Variants in CFAP47 observed in about 807,000 individuals in gnomAD.
CFAP47 encodes the protein cilia and flagella associated protein 47, also known as cilia- and flagella-associated protein 47.
In CFAP47, 29 loss-of-function variants were observed where a neutral mutation model predicts 148.1. The ratio of observed to expected loss-of-function variants is 0.20; its 90% CI spans 0.15 to 0.27. The LOEUF (loss-of-function observed/expected upper bound fraction) is 0.27. CFAP47 is among the 10% of genes least tolerant of loss of function. The probability of loss-of-function intolerance (pLI) is 1.00; values close to 1 mark genes in which losing one functional copy is unlikely to be tolerated. For synonymous variants in CFAP47, 664 were observed against 577.3 expected (o/e 1.15, Z -2.15); for missense variants, 1,872 against 1,697.5 (o/e 1.10, Z -1.81).
rs141723047 is a variant in CFAP47, at chrX:36,370,874, G to C, written c.9185+3747G>C. Among the ~76,000 whole-genome samples the C allele has an allele frequency of 2.5e-3, 277 of 111,263 alleles. 1 individual carries two copies. Among genetic ancestry groups the C allele is most frequent in the African/African-American group, 8.7e-3 (266 of 30,600 alleles). On this transcript the variant is annotated intron_variant, in intron 62 of 63. Coordinates refer to ENST00000378653, the MANE Select transcript of CFAP47 (RefSeq NM_001304548.2). ...TGAAAAGGAACGACCCCCTGTCCTA[G>C]TGACTATACATTTTTCTTGTGTGCT... is the stretch of plus-strand genomic sequence containing the variant.
At chrX:35,958,992 C>T (rs2146650766) in intron 8 of CFAP47, among the ~76,000 whole-genome samples, 1 of 111,407 alleles carries the variant, frequency 9.0e-6, no homozygotes, top group South Asian at 3.8e-4. Flanking sequence ...GGGTGGGGTG[C>T]ATAAGTTGAG....
chrX:36,176,792 C>G (rs768129294), intron 39 of CFAP47, among the ~76,000 whole-genome samples: 2 of 112,002 alleles, frequency 1.8e-5, no homozygotes, highest in Non-Finnish European at 3.8e-5. Context: ...GTAATCCCAG[C>G]TACTTGGGAG....
At chrX:36,303,661 T>G (rs782369946) in intron 53 of CFAP47, among the ~76,000 whole-genome samples, 188 bp from the exon 54 acceptor site, 2 of 111,190 alleles carry the variant, frequency 1.8e-5, no homozygotes, top group South Asian at 7.6e-4. Context: ...TAAGACGTTA[T>G]CTTAACTAGT....
intron 63 of CFAP47, chrX:36,379,767 A>T (rs1456223405): frequency 3.6e-6 from 1 of 280,516 alleles, no homozygotes; most frequent in Non-Finnish European, 6.4e-6. Flanking sequence ...TTCCTTCCAT[A>T]TTAAGGAACT....
chrX:36,371,784 A>G (rs1349906056), intron 62 of CFAP47, among the ~76,000 whole-genome samples: 1 of 54,663 alleles, frequency 1.8e-5, no homozygotes, highest in Non-Finnish European at 2.8e-5. Context: ...ACATGTGTAT[A>G]TATGTGTGTA....
chrX:36,259,085 T>C (rs1555999584), intron 49 of CFAP47, among the ~76,000 whole-genome samples: 1 of 111,206 alleles, frequency 9.0e-6, no homozygotes, highest in African/African-American at 3.3e-5. Context: ...AAACTGTTGA[T>C]TTAGTAGGTG....
chrX:36,031,856 C>T (rs1937283307), intron 23 of CFAP47, among the ~76,000 whole-genome samples: 1 of 110,255 alleles, frequency 9.1e-6, no homozygotes, highest in African/African-American at 3.3e-5. Context: ...AAGCTCAGCA[C>T]ACATTATAGA....
chrX:36,065,513 C>A, intron 26 of CFAP47, 130 bp from the exon 27 acceptor site: 2 of 430,618 alleles, frequency 4.6e-6, no homozygotes, highest in Non-Finnish European at 8.1e-6. Context: ...GTTAAAAAAA[C>A]AAAGTAAGTA....
At chrX:36,285,274 A>C (rs1941120649) in intron 50 of CFAP47, among the ~76,000 whole-genome samples, 1 of 111,783 alleles carries the variant, frequency 8.9e-6, no homozygotes, top group Non-Finnish European at 1.9e-5. Context: ...GTACAAATAC[A>C]TGAATAGTTT....
intron 30 of CFAP47, among the ~76,000 whole-genome samples, chrX:36,091,126 C>G (rs1197544243): frequency 9.0e-6 from 1 of 111,138 alleles, no homozygotes; most frequent in Non-Finnish European, 1.9e-5. Context: ...AAATGAAAAG[C>G]ATAAAACAAG....
intron 55 of CFAP47, among the ~76,000 whole-genome samples, chrX:36,307,380 T>C (rs1355074311): frequency 9.0e-6 from 1 of 111,149 alleles, no homozygotes; most frequent in Non-Finnish European, 1.9e-5. Flanking sequence ...CGTAGTCCTA[T>C]AATGGAAGTA....
intron 29 of CFAP47, among the ~76,000 whole-genome samples, chrX:36,080,960 C>A (rs954276757): frequency 1.8e-5 from 2 of 111,532 alleles, no homozygotes; most frequent in Non-Finnish European, 3.8e-5. Flanking sequence ...GGAAAACTAA[C>A]TCAAAAGCTA....
intron 35 of CFAP47, among the ~76,000 whole-genome samples, chrX:36,143,021 A>G (rs1939170500): frequency 9.0e-6 from 1 of 111,429 alleles, no homozygotes; most frequent in Non-Finnish European, 1.9e-5. Flanking sequence ...TAAACTCTGC[A>G]TTTTTTTATT....
chrX:36,218,434 T>C (rs1009295149), intron 45 of CFAP47, among the ~76,000 whole-genome samples: 5 of 111,943 alleles, frequency 4.5e-5, no homozygotes, highest in Non-Finnish European at 3.8e-5. Context: ...CAACAGCAGC[T>C]AGCCATTTAC....
chrX:35,963,507 C>T (rs1327511716), intron 8 of CFAP47, among the ~76,000 whole-genome samples: 1 of 110,741 alleles, frequency 9.0e-6, no homozygotes, highest in Non-Finnish European at 1.9e-5. Flanking sequence ...TTCTGGGGTA[C>T]ATGTGCAGGA....
chrX:36,308,393 C>T (rs187001202), intron 55 of CFAP47, among the ~76,000 whole-genome samples: 1 of 110,949 alleles, frequency 9.0e-6, no homozygotes, highest in East Asian at 2.8e-4. Context: ...TCAACCTTCT[C>T]AATATATTGC....
At chrX:36,191,443 C>T (rs782817041) in intron 42 of CFAP47, among the ~76,000 whole-genome samples, 16 of 111,429 alleles carry the variant, frequency 1.4e-4, no homozygotes, top group African/African-American at 4.9e-4. Context: ...ATCTTGCTTA[C>T]GTATGTTTTG....
In CFAP47 at chrX:36,007,075, G is replaced by A. The variant is rs931845571; in HGVS notation, c.3417+5368G>A. Among the ~76,000 whole-genome samples, 8 of 111,631 alleles carry A rather than the reference G, an allele frequency of 7.2e-5. No individual in the cohort carries two copies. The Admixed American group carries it at 7.7e-4, about 11-fold the overall frequency. ...GACCCAGGTTCTGCCCTGAAGCATA[G>A]GCTGGTTCATCTTCAGTGCCTTAGT... On this transcript the variant is annotated intron_variant, in intron 21 of 63. Coordinates refer to ENST00000378653, the MANE Select transcript of CFAP47 (RefSeq NM_001304548.2).
chrX:36,017,379 T>G (rs2146706745), intron 22 of CFAP47, among the ~76,000 whole-genome samples: 1 of 112,146 alleles, frequency 8.9e-6, no homozygotes, highest in African/African-American at 3.2e-5. Flanking sequence ...GCACAGAAGC[T>G]TTTTAAATTT....
Sources: allele counts gnomAD v4.1 joint callset (sites outside exome capture counted in the v4.1 genomes callset), GRCh38; gene constraint gnomAD v4.1.1; transcripts MANE v1.5; gene names NCBI Gene and HGNC (gene_info 2026-07-23, HGNC 2026-07-21).